Variants in MCC observed in about 807,000 individuals in gnomAD.
The protein encoded by MCC is MCC regulator of Wnt signaling pathway, also known as colorectal mutant cancer protein.
In MCC, 90 loss-of-function variants were observed where a neutral mutation model predicts 116.2. That is an observed-to-expected ratio of 0.77 (90% CI 0.65 to 0.92). The LOEUF (loss-of-function observed/expected upper bound fraction) is 0.92. Among genes scored for constraint, MCC ranks in the 40% least tolerant of loss-of-function variants. The pLI is 0.00. For missense variants in MCC, 1,516 were observed against 1,312.2 expected (o/e 1.16, Z -2.40); for synonymous variants, 578 against 510.5 (o/e 1.13, Z -1.78).
chr5:113,449,320 A>G (rs1179751141), intron 1 of MCC, among the ~76,000 whole-genome samples: 2 of 152,258 alleles, frequency 1.3e-5, no homozygotes, highest in African/African-American at 4.8e-5. Flanking sequence ...GAATGTTCTG[A>G]AAAAGGTCTT....
intron 1 of MCC, among the ~76,000 whole-genome samples, chr5:113,470,003 C>T (rs1202600614): frequency 3.3e-5 from 5 of 152,106 alleles, no homozygotes; most frequent in Non-Finnish European, 7.3e-5. Flanking sequence ...AGGATTGCAA[C>T]CTCTGCCTTT....
Position 113,254,915 on chromosome 5 carries a change from A to G in MCC, c.627+85604T>C, listed in dbSNP as rs573625374. Among the ~76,000 whole-genome samples the G allele has an allele frequency of 1.4e-4, 22 of 152,278 alleles. No individual in the cohort carries two copies. In the East Asian group the frequency reaches 3.9e-3, roughly 27 times the overall value. On this transcript the variant is annotated intron_variant, in intron 3 of 18. Coordinates refer to ENST00000408903, the MANE Select transcript of MCC (RefSeq NM_001085377.2). ...ACATAAGAGTGGGCTGGGCAATCCC[A>G]GCACTTTGGGAGGCCGAGGTGGGTG...
chr5:113,077,448 C>A (rs947938749), intron 11 of MCC, among the ~76,000 whole-genome samples: 1 of 152,180 alleles, frequency 6.6e-6, no homozygotes, highest in African/African-American at 2.4e-5. Context: ...GAAATTATAA[C>A]AAACTGTCTC....
intron 8 of MCC, among the ~76,000 whole-genome samples, chr5:113,092,495 G>GTCACTAA (rs1157120877): frequency 3.3e-5 from 5 of 152,206 alleles, no homozygotes; most frequent in Admixed American, 6.5e-5. Context: ...GTTGTCTTAA[G>GTCACTAA]TCACTAAGTT....
At chr5:113,256,429 G>C (rs972263535) in intron 3 of MCC, among the ~76,000 whole-genome samples, 10 of 152,110 alleles carry the variant, frequency 6.6e-5, no homozygotes, top group Non-Finnish European at 1.5e-4. Flanking sequence ...GTTCAGACAG[G>C]AAAGAGTCAC....
intron 2 of MCC, among the ~76,000 whole-genome samples, chr5:113,355,041 G>C (rs1267535741): frequency 6.6e-6 from 1 of 151,730 alleles, no homozygotes; most frequent in Non-Finnish European, 1.5e-5. Context: ...TTATATTAAT[G>C]ACTGAAGAAG....
chr5:113,096,289 C>G (rs891543369), intron 8 of MCC, among the ~76,000 whole-genome samples: 7 of 152,240 alleles, frequency 4.6e-5, no homozygotes, highest in African/African-American at 1.7e-4. Context: ...GACACTGCCT[C>G]TCCCTTCCTT....
At chr5:113,309,963 T>A (rs998605237) in intron 3 of MCC, among the ~76,000 whole-genome samples, 2 of 142,262 alleles carry the variant, frequency 1.4e-5, no homozygotes, top group Non-Finnish European at 3.1e-5. Context: ...CTGTGTTTCA[T>A]ACCATTATCA....
At chr5:113,245,238 G>A (rs1764528174) in intron 3 of MCC, among the ~76,000 whole-genome samples, 1 of 147,702 alleles carries the variant, frequency 6.8e-6, no homozygotes, top group South Asian at 2.1e-4. Flanking sequence ...GTTGCAGTAA[G>A]CCAAGATCGC....
chr5:113,304,698 TATATC>T (rs1766941548), intron 3 of MCC, among the ~76,000 whole-genome samples: 1 of 152,128 alleles, frequency 6.6e-6, no homozygotes, highest in African/African-American at 2.4e-5. Context: ...TTCTTTAAAC[TATATC>T]ACATTTTCTA....
intron 5 of MCC, among the ~76,000 whole-genome samples, chr5:113,139,102 C>G (rs959949314): frequency 1.3e-5 from 2 of 152,080 alleles, no homozygotes; most frequent in African/African-American, 2.4e-5. Flanking sequence ...GCAGGTCAAA[C>G]TTTTTTGATT....
intron 1 of MCC, among the ~76,000 whole-genome samples, chr5:113,410,409 G>C (rs536045294): frequency 2.0e-5 from 3 of 152,260 alleles, no homozygotes; most frequent in Admixed American, 2.0e-4. Flanking sequence ...TAAAAGTGCT[G>C]TGATAAACAT....
chr5:113,375,178 G>A (rs894657268), intron 2 of MCC, among the ~76,000 whole-genome samples: 5 of 151,852 alleles, frequency 3.3e-5, no homozygotes, highest in African/African-American at 1.2e-4. Context: ...TGACCTGGGT[G>A]TGTTTCCTTA....
intron 3 of MCC, among the ~76,000 whole-genome samples, chr5:113,191,347 G>A (rs1762141645): frequency 6.6e-6 from 1 of 152,182 alleles, no homozygotes; most frequent in African/African-American, 2.4e-5. Flanking sequence ...AATAAGAGGA[G>A]GTCCCCTCAC....
At chr5:113,375,798 T>C (rs1348519558) in intron 2 of MCC, among the ~76,000 whole-genome samples, 4 of 148,506 alleles carry the variant, frequency 2.7e-5, no homozygotes, top group Admixed American at 2.0e-4. Context: ...GCTCCAGAAC[T>C]TGCACAATTT....
At chr5:113,048,682 T>C (rs1752278887) in intron 16 of MCC, 1 of 313,122 alleles carries the variant, frequency 3.2e-6, no homozygotes, top group Non-Finnish European at 5.8e-6. Context: ...GGGTTCAGTA[T>C]TACCTGTGGT....
chr5:113,357,933 C>T (rs1038626858), intron 2 of MCC, among the ~76,000 whole-genome samples: 1 of 152,176 alleles, frequency 6.6e-6, no homozygotes, highest in African/African-American at 2.4e-5. Context: ...TGGCCTTCTT[C>T]CAAGTGCACT....
chr5:113,189,829 A>G (rs570666439), intron 3 of MCC, among the ~76,000 whole-genome samples: 2 of 152,326 alleles, frequency 1.3e-5, no homozygotes, highest in South Asian at 4.2e-4. Context: ...AATTAGCCAC[A>G]ATCTTAATTA....
At chr5:113,153,227 G>A (rs745666528) in intron 3 of MCC, among the ~76,000 whole-genome samples, 1 of 152,074 alleles carries the variant, frequency 6.6e-6, no homozygotes, top group Non-Finnish European at 1.5e-5. Context: ...GTGGGGATAA[G>A]GATCCCAGCT....
Sources: gnomAD v4.1 joint callset for allele counts (sites outside exome capture counted in the v4.1 genomes callset) on GRCh38, gnomAD v4.1.1 for gene constraint, MANE v1.5 for transcripts, NCBI Gene and HGNC (gene_info 2026-07-23, HGNC 2026-07-21) for gene names.